The following HTR2A variants were observed in gnomAD, a reference collection of about 807,000 sequenced individuals.
The protein encoded by HTR2A is 5-hydroxytryptamine receptor 2A.
HTR2A carries 14 observed loss-of-function variants against 31.0 expected under a neutral mutation model. That is an observed-to-expected ratio of 0.45 (90% confidence interval 0.30 to 0.71). HTR2A has a LOEUF of 0.71. Among genes scored for constraint, HTR2A ranks in the 30% least tolerant of loss-of-function variants. The probability of loss-of-function intolerance (pLI) is 0.09; values close to 1 mark genes in which losing one functional copy is unlikely to be tolerated. For synonymous variants in HTR2A, 209 were observed against 225.2 expected, an observed-to-expected ratio of 0.93 and a Z score of 0.64; for missense variants, 442 against 573.3, an observed-to-expected ratio of 0.77 and a Z score of 2.34.
At chr13:46,893,464 C>A (rs910496301) in intron 2 of HTR2A, among the ~76,000 whole-genome samples, 2 of 152,164 alleles carry the variant, frequency 1.3e-5, no homozygotes, top group African/African-American at 4.8e-5. Context: ...GGTAGTGGCT[C>A]TCACCCCTGG....
intron 3 of HTR2A, among the ~76,000 whole-genome samples, chr13:46,865,197 G>T (rs1950809768): frequency 6.6e-6 from 1 of 152,062 alleles, no homozygotes; most frequent in South Asian, 2.1e-4. Context: ...ACTGATAATG[G>T]TCTGCAGCTT....
chr13:46,859,200 G>A (rs772394200), intron 3 of HTR2A, among the ~76,000 whole-genome samples: 6 of 152,240 alleles, frequency 3.9e-5, no homozygotes, highest in Middle Eastern at 3.4e-3. Flanking sequence ...TTGAAGAGAA[G>A]TACCTATAAT....
At position 46,831,623 on chromosome 13, in the gene HTR2A, T is replaced by C. The variant is rs1001136892; in HGVS notation, c.*3214A>G. 3 of 152,240 alleles carry C rather than the reference T, an allele frequency of 2.0e-5. No individual in the cohort carries two copies. Among genetic ancestry groups the C allele is most frequent in the South Asian group, 4.1e-4 (2 of 4,834 alleles). 9.4% of individuals were successfully genotyped at this position (152,240 alleles called of 1,614,324 possible). ...TTAGCATCGCCTTGATTAAAATAAG[T>C]TCATAAAATAATCTTCACTGTATTT... On this transcript the variant is annotated 3_prime_UTR_variant, in exon 4 of 4. Transcript: ENST00000542664.
chr13:46,843,423 G>C (rs1428996130), intron 3 of HTR2A, among the ~76,000 whole-genome samples: 3 of 152,162 alleles, frequency 2.0e-5, no homozygotes, highest in Non-Finnish European at 4.4e-5. Flanking sequence ...CTCTCTGTTA[G>C]AGTGAGAGGT....
chr13:46,875,573 C>A (rs1393434066), intron 3 of HTR2A, among the ~76,000 whole-genome samples: 3 of 152,246 alleles, frequency 2.0e-5, no homozygotes, highest in East Asian at 3.9e-4. Context: ...TGTTTCTCAG[C>A]TCCTCCTGGT....
At chr13:46,863,630 G>GAAAAAAAAAAAAAAAAA (rs59693757) in intron 3 of HTR2A, among the ~76,000 whole-genome samples, 1,164 of 59,196 alleles carry the variant, frequency 0.02, 1 homozygote, top group Non-Finnish European at 0.022. Context: ...CCCTCAAAAT[G>GAAAAAAAAAAAAAAAAA]AAAAAAAAAA....
At position 46,866,140 on chromosome 13, in the gene HTR2A, T is replaced by C. The variant is rs189009234; in HGVS notation, c.613+26250A>G. 2.5e-4 allele frequency among the ~76,000 whole-genome samples: 38 copies of C among 152,372 alleles called. 1 individual carries two copies. In the East Asian group the frequency reaches 6.9e-3, roughly 28 times the overall value. On this transcript the variant is annotated intron_variant, in intron 3 of 3. Coordinates refer to ENST00000542664, the MANE Select transcript of HTR2A (RefSeq NM_000621.5). ...AATTCCCTATTAAAATGTCTATTAC[T>C]ATCAGCAGTCCTGACTTGGAGAGAT...
intron 3 of HTR2A, among the ~76,000 whole-genome samples, chr13:46,870,125 A>G (rs1398753266): frequency 1.3e-5 from 2 of 152,146 alleles, no homozygotes; most frequent in African/African-American, 2.4e-5. Context: ...AAACTGGTCA[A>G]ATATATATAA....
At chr13:46,841,359 T>C (rs1211334532) in intron 3 of HTR2A, among the ~76,000 whole-genome samples, 1 of 152,162 alleles carries the variant, frequency 6.6e-6, no homozygotes, top group Admixed American at 6.5e-5. Flanking sequence ...CACAAGTTCC[T>C]CTAGCCAGAC....
rs1381271092 is a variant in HTR2A, at chr13:46,895,625, G to A, written c.282C>T (p.Leu94=). The stretch of plus-strand genomic sequence containing the variant: ...TCTCTAGGGACACTGCCATGATGAC[G>A]AGTATGTTTCCAGCAATAGTTAGAA... ...VIILTIAGNI[L]VIMAVSLEKK... is the part of the protein sequence containing the mutation. The change falls in exon 2 of 4, where the codon CTC becomes CTT. Residue 94 remains leucine, a synonymous_variant. Transcript: ENST00000542664. This position sits in a 1 kb window ranked among gnomAD's most constrained non-coding sequence, Gnocchi z 4.4. 20 of 1,614,044 alleles carry A rather than the reference G, an allele frequency of 1.2e-5. No individual in the cohort carries two copies. The highest frequency in any genetic ancestry group is 3.3e-5 in the Admixed American group (2 of 60,004).
chr13:46,878,646 A>G (rs1378717551), intron 3 of HTR2A, among the ~76,000 whole-genome samples: 3 of 152,210 alleles, frequency 2.0e-5, no homozygotes, highest in Non-Finnish European at 4.4e-5. Flanking sequence ...AGGAGTCTGC[A>G]AAAGCCACAG....
chr13:46,897,617 T>C (rs1313350171), upstream of HTR2A, among the ~76,000 whole-genome samples: 1 of 152,202 alleles, frequency 6.6e-6, no homozygotes, highest in Non-Finnish European at 1.5e-5. Context: ...CTTGCCTTAC[T>C]TGTAAAGAAA....
At chr13:46,876,553 G>A (rs1950914887) in intron 3 of HTR2A, among the ~76,000 whole-genome samples, 2 of 151,038 alleles carry the variant, frequency 1.3e-5, no homozygotes, top group East Asian at 3.9e-4. Flanking sequence ...GGGACTACAA[G>A]CGCCTGCCAC....
At chr13:46,850,620 G>T (rs539497640) in intron 3 of HTR2A, among the ~76,000 whole-genome samples, 13 of 152,260 alleles carry the variant, frequency 8.5e-5, no homozygotes, top group African/African-American at 3.1e-4. Context: ...GCTGCTCAAG[G>T]CTGGCTCTTA....
At chr13:46,859,988 G>A (rs1593433989) in intron 3 of HTR2A, among the ~76,000 whole-genome samples, 1 of 152,202 alleles carries the variant, frequency 6.6e-6, no homozygotes, top group East Asian at 1.9e-4. Flanking sequence ...TCATTTTTAT[G>A]GCCATGTCGG....
intron 3 of HTR2A, among the ~76,000 whole-genome samples, chr13:46,859,518 A>AG (rs1330126890): frequency 1.3e-5 from 2 of 152,010 alleles, no homozygotes; most frequent in African/African-American, 4.8e-5. Context: ...GGCTGGTGGG[A>AG]GGTGACTGGA....
At chr13:46,883,378 A>C (rs959729456) in intron 3 of HTR2A, among the ~76,000 whole-genome samples, 8 of 152,084 alleles carry the variant, frequency 5.3e-5, no homozygotes, top group African/African-American at 1.4e-4. Flanking sequence ...ATACATGATT[A>C]TGTTTATCCT....
chr13:46,856,900 C>T (rs138090440), intron 3 of HTR2A, among the ~76,000 whole-genome samples: 8 of 152,290 alleles, frequency 5.3e-5, no homozygotes, highest in Non-Finnish European at 1.0e-4. Context: ...ATCTATAATT[C>T]CATGTGAGGA....
intron 3 of HTR2A, among the ~76,000 whole-genome samples, chr13:46,876,436 G>C (rs2770303): frequency 0.015 from 1,752 of 114,120 alleles, 16 homozygotes; most frequent in Non-Finnish European, 0.022. Context: ...TTGAGACAGA[G>C]TCTTGCTCTG....
Sources: gnomAD v4.1 joint callset for allele counts (sites outside exome capture counted in the v4.1 genomes callset) on GRCh38, gnomAD v4.1.1 for gene constraint, Gnocchi (gnomAD v3.1) non-coding constraint, MANE v1.5 for transcripts, NCBI Gene and HGNC (gene_info 2026-07-23, HGNC 2026-07-21) for gene names.